The following LRP1B variants were observed in gnomAD, a reference collection of about 807,000 sequenced individuals.
LRP1B encodes low-density lipoprotein receptor-related protein 1B.
A neutral mutation model predicts 556.6 loss-of-function variants in LRP1B; 217 were observed. That is an observed-to-expected ratio of 0.39 (90% CI 0.35 to 0.44). LRP1B has a LOEUF of 0.44. Ranked by LOEUF, LRP1B falls within the 20% of genes least tolerant of loss-of-function variation. The pLI is 1.00. For missense variants in LRP1B, 5,053 were observed against 5,620.8 expected (o/e 0.90, Z 3.23); for synonymous variants, 2,047 against 1,865.8 (o/e 1.10, Z -2.50).
intron 2 of LRP1B, among the ~76,000 whole-genome samples, chr2:141,721,515 T>C (rs1273648527): frequency 2.6e-5 from 4 of 152,178 alleles, no homozygotes. Context: ...GATTTCTACC[T>C]AATTTTTAAA....
intron 35 of LRP1B, among the ~76,000 whole-genome samples, chr2:140,747,741 A>C (rs1034805380): frequency 5.9e-5 from 9 of 152,082 alleles, no homozygotes; most frequent in African/African-American, 1.4e-4. Flanking sequence ...TCTTTGATTA[A>C]ATGGAAACAA....
chr2:141,861,710 AC>A (rs1401767854), intron 1 of LRP1B, among the ~76,000 whole-genome samples: 1 of 152,150 alleles, frequency 6.6e-6, no homozygotes, highest in Non-Finnish European at 1.5e-5. Context: ...CGGGTGGATG[AC>A]CTGAGGTCAG....
intron 66 of LRP1B, among the ~76,000 whole-genome samples, chr2:140,405,562 T>C (rs909011846): frequency 3.9e-5 from 6 of 152,172 alleles, no homozygotes; most frequent in Admixed American, 1.3e-4. Flanking sequence ...TTTGAGACTA[T>C]TATGAATACA....
intron 1 of LRP1B, among the ~76,000 whole-genome samples, chr2:141,940,957 C>A (rs1197254644): frequency 6.6e-6 from 1 of 152,156 alleles, no homozygotes; most frequent in Non-Finnish European, 1.5e-5. Flanking sequence ...TGATATGAAC[C>A]AGTGCATTTC....
rs1341617310 is a variant in LRP1B, at chr2:141,494,819, G to C, written c.206-14286C>G. Among the ~76,000 whole-genome samples, 26 of 122,572 alleles carry C rather than the reference G, an allele frequency of 2.1e-4. No homozygotes were observed. In the Admixed American group the frequency reaches 2.3e-3, roughly 11 times the overall value. 80.4% of individuals were successfully genotyped at this position (122,572 alleles called of 152,430 possible). A position where few individuals can be genotyped will look rare whatever the true frequency, so the allele number is the denominator to read the frequency against. On this transcript the variant is annotated intron_variant, in intron 2 of 90. Transcript: ENST00000389484. ...AGAACACAGAAAACAATGAGATTCA[G>C]ATTGAAACACACACACACAAACACA...
rs1288032611 is a variant in LRP1B, at chr2:141,467,124, CTA to C, written c.343+13270_343+13271del. 4.1e-3 allele frequency among the ~76,000 whole-genome samples: 35 copies of C among 8,612 alleles called. 1 individual carries two copies. Among genetic ancestry groups the C allele is most frequent in the African/African-American group, 5.6e-3 (34 of 6,126 alleles). The allele number at this position is 8,612 out of a possible 152,430, so 5.6% of individuals were successfully genotyped here. On this transcript the variant is annotated intron_variant, in intron 3 of 90. Coordinates refer to ENST00000389484, the MANE Select transcript of LRP1B (RefSeq NM_018557.3). ...TGTGTATATATATATATATATATATCTATATATATATATATATATATATATAT... is the reference window on the plus strand; with the variant it reads ...TGTGTATATATATATATATATATATCTATATATATATATATATATATATAT...
intron 60 of LRP1B, among the ~76,000 whole-genome samples, chr2:140,474,612 C>A (rs949908746): frequency 6.6e-6 from 1 of 151,824 alleles, no homozygotes; most frequent in East Asian, 1.9e-4. Flanking sequence ...CTGCTATATC[C>A]GTGTCATGTT....
chr2:141,107,075 A>G (rs1238175090), intron 7 of LRP1B, among the ~76,000 whole-genome samples: 1 of 152,130 alleles, frequency 6.6e-6, no homozygotes, highest in Admixed American at 6.5e-5. Flanking sequence ...ATTGTATTCA[A>G]TCACTTTTCA....
At chr2:140,446,439 T>C (rs755387998) in intron 63 of LRP1B, among the ~76,000 whole-genome samples, 2 of 152,174 alleles carry the variant, frequency 1.3e-5, no homozygotes, top group Non-Finnish European at 2.9e-5. Context: ...CTTGCAAGTA[T>C]GGGACCCTGG....
chr2:141,201,126 G>T (rs1681995694), intron 6 of LRP1B, among the ~76,000 whole-genome samples: 1 of 152,288 alleles, frequency 6.6e-6, no homozygotes, highest in South Asian at 2.1e-4. Context: ...ACAGCAATTT[G>T]CAGGAATGAG....
intron 18 of LRP1B, among the ~76,000 whole-genome samples, chr2:140,955,736 C>T (rs1191033727): frequency 6.6e-6 from 1 of 151,530 alleles, no homozygotes; most frequent in African/African-American, 2.4e-5. Context: ...GTCTTTCTCT[C>T]AAGGGTAATC....
intron 1 of LRP1B, among the ~76,000 whole-genome samples, chr2:141,946,061 C>T (rs139354732): frequency 6.6e-6 from 1 of 152,000 alleles, no homozygotes; most frequent in Non-Finnish European, 1.5e-5. Context: ...AACGAGAGAG[C>T]ACGTAGGGGT....
At chr2:141,121,532 C>T (rs1407998336) in intron 7 of LRP1B, among the ~76,000 whole-genome samples, 1 of 151,926 alleles carries the variant, frequency 6.6e-6, no homozygotes, top group African/African-American at 2.4e-5. Context: ...CCTAGGAATC[C>T]AACTTACAAG....
At chr2:140,856,215 C>T (rs1692613344) in intron 27 of LRP1B, among the ~76,000 whole-genome samples, 1 of 152,212 alleles carries the variant, frequency 6.6e-6, no homozygotes, top group Non-Finnish European at 1.5e-5. Flanking sequence ...TCCACCTCCA[C>T]ATGATGTACT....
At position 141,048,974 on chromosome 2, in the gene LRP1B, A is replaced by G. The variant is rs753606318; in HGVS notation, c.1789+12T>C. The G allele has an allele frequency of 1.3e-6, 2 of 1,578,238 alleles. No individual in the cohort carries two copies. The highest frequency in any genetic ancestry group is 1.7e-6 in the Non-Finnish European group (2 of 1,147,686). ...CTGGGTAGTTTGATGTTAATGTCAC[A>G]GTGTCACTTACCATCTTTCAGGATG... On this transcript the variant is annotated intron_variant, in intron 11 of 90. Coordinates refer to ENST00000389484, the MANE Select transcript of LRP1B (RefSeq NM_018557.3).
chr2:141,804,973 C>A (rs545862607), intron 2 of LRP1B, among the ~76,000 whole-genome samples: 1 of 152,102 alleles, frequency 6.6e-6, no homozygotes, highest in African/African-American at 2.4e-5. Context: ...CACTGTGGTA[C>A]ATACTACCAA....
At chr2:140,449,298 T>C (rs973867019) in intron 63 of LRP1B, among the ~76,000 whole-genome samples, 2 of 152,148 alleles carry the variant, frequency 1.3e-5, no homozygotes, top group Admixed American at 6.6e-5. Flanking sequence ...TTTACTTTAT[T>C]GTGGGGAAAG....
chr2:140,577,512 G>T (rs1213379668), intron 43 of LRP1B, among the ~76,000 whole-genome samples: 1 of 151,846 alleles, frequency 6.6e-6, no homozygotes, highest in Non-Finnish European at 1.5e-5. Context: ...AAACTCCTGG[G>T]CTCAAGCGAT....
Position 140,312,721 on chromosome 2 carries a change from A to AT in LRP1B, c.12805+2213dup, listed in dbSNP as rs1325943032. On this transcript the variant is annotated intron_variant, in intron 83 of 90. Coordinates refer to ENST00000389484, the MANE Select transcript of LRP1B (RefSeq NM_018557.3). ...TTATTGATATAATCAATATCAAAAT[A>AT]TTTCATTTTTAGTATCTTTTTGTAT... Among the ~76,000 whole-genome samples the AT allele has an allele frequency of 3.3e-5, 5 of 151,816 alleles. No individual in the cohort carries two copies. In the East Asian group the frequency reaches 9.7e-4, roughly 29 times the overall value.
Sources: allele counts gnomAD v4.1 joint callset (sites outside exome capture counted in the v4.1 genomes callset), GRCh38; gene constraint gnomAD v4.1.1; transcripts MANE v1.5; gene names NCBI Gene and HGNC (gene_info 2026-07-23, HGNC 2026-07-21).